Variants in UNC5D observed in about 807,000 individuals in gnomAD.
UNC5D encodes the protein netrin receptor UNC5D.
A neutral mutation model predicts 105.4 loss-of-function variants in UNC5D; 39 were observed. That is an observed-to-expected ratio of 0.37 (90% CI 0.29 to 0.48). The LOEUF (loss-of-function observed/expected upper bound fraction) is 0.48. UNC5D is among the 20% of genes least tolerant of loss of function. The pLI is 0.98. For synonymous variants in UNC5D, 452 were observed against 450.4 expected (o/e 1.00, Z -0.04); for missense variants, 991 against 1,202.4 (o/e 0.82, Z 2.60).
intron 10 of UNC5D, 73 bp downstream of exon 10, chr8:35,726,602 A>G: frequency 1.3e-6 from 2 of 1,556,990 alleles, no homozygotes; most frequent in Non-Finnish European, 1.7e-6. Flanking sequence ...ACTTCCCATC[A>G]GATTCATTTT....
chr8:35,417,667 C>T (rs996961264), intron 1 of UNC5D, among the ~76,000 whole-genome samples: 2 of 152,046 alleles, frequency 1.3e-5, no homozygotes, highest in Non-Finnish European at 1.5e-5. Context: ...AATAAATTTT[C>T]TCTTTTAAAC....
intron 16 of UNC5D, among the ~76,000 whole-genome samples, chr8:35,783,719 A>C (rs937198339): frequency 1.1e-4 from 16 of 152,168 alleles, no homozygotes; most frequent in Non-Finnish European, 2.9e-5. Flanking sequence ...GGATTTGGGA[A>C]GATCTGAAAG....
At chr8:35,744,866 A>G (rs1829926915) in intron 11 of UNC5D, among the ~76,000 whole-genome samples, 2 of 152,264 alleles carry the variant, frequency 1.3e-5, no homozygotes, top group Admixed American at 1.3e-4. Flanking sequence ...CAGCCTGACC[A>G]ACATGGTGAA....
intron 1 of UNC5D, among the ~76,000 whole-genome samples, chr8:35,312,216 G>A (rs548420815): frequency 3.3e-5 from 5 of 152,126 alleles, no homozygotes; most frequent in Non-Finnish European, 5.9e-5. Flanking sequence ...GGCAAGATCC[G>A]ACATAGCTTA....
At position 35,530,983 on chromosome 8, in the gene UNC5D, C is replaced by G. The variant is rs1350460843; in HGVS notation, c.104-18309C>G. Among the ~76,000 whole-genome samples the G allele has an allele frequency of 3.3e-5, 5 of 149,518 alleles. No homozygotes were observed. The East Asian group carries it at 9.9e-4, about 30-fold the overall frequency. ...TAGTGGTCTATCAATTTTGTTGATC[C>G]TTTCAAAAAACCAGCTCCTGGATTC... is the stretch of plus-strand genomic sequence containing the variant. On this transcript the variant is annotated intron_variant, in intron 1 of 16. Coordinates refer to ENST00000404895, the MANE Select transcript of UNC5D (RefSeq NM_080872.4).
At chr8:35,422,561 T>C (rs887871559) in intron 1 of UNC5D, among the ~76,000 whole-genome samples, 1 of 152,244 alleles carries the variant, frequency 6.6e-6, no homozygotes, top group Non-Finnish European at 1.5e-5. Context: ...CAATTGATGC[T>C]AAAATTCCAT....
At chr8:35,474,364 A>G (rs1195045908) in intron 1 of UNC5D, among the ~76,000 whole-genome samples, 1 of 152,210 alleles carries the variant, frequency 6.6e-6, no homozygotes, top group Non-Finnish European at 1.5e-5. Flanking sequence ...CAACTTATGT[A>G]GTTACCTCAG....
chr8:35,577,210 T>G (rs1279946588), intron 3 of UNC5D, among the ~76,000 whole-genome samples: 1 of 152,230 alleles, frequency 6.6e-6, no homozygotes, highest in East Asian at 1.9e-4. Flanking sequence ...TTATCAATAA[T>G]TTGACAAAAT....
At chr8:35,350,567 C>T (rs1236882261) in intron 1 of UNC5D, among the ~76,000 whole-genome samples, 2 of 151,942 alleles carry the variant, frequency 1.3e-5, no homozygotes, top group Non-Finnish European at 2.9e-5. Flanking sequence ...TTCCCTCAAC[C>T]CTCCCCACTT....
At chr8:35,263,826 A>G (rs1804651257) in intron 1 of UNC5D, among the ~76,000 whole-genome samples, 1 of 152,254 alleles carries the variant, frequency 6.6e-6, no homozygotes, top group Non-Finnish European at 1.5e-5. Flanking sequence ...CCTTGTGGCA[A>G]TAAAGCAAAC....
intron 1 of UNC5D, among the ~76,000 whole-genome samples, chr8:35,464,789 A>C (rs1327146561): frequency 6.6e-6 from 1 of 152,214 alleles, no homozygotes; most frequent in African/African-American, 2.4e-5. Context: ...CTCCCAAGTC[A>C]TGGGCTACTG....
intron 1 of UNC5D, among the ~76,000 whole-genome samples, chr8:35,412,138 A>T (rs1387683477): frequency 6.6e-6 from 1 of 152,058 alleles, no homozygotes; most frequent in Non-Finnish European, 1.5e-5. Context: ...GCTTTACATC[A>T]TCTTCAGTAG....
chr8:35,521,458 C>T (rs1358936884), intron 1 of UNC5D, among the ~76,000 whole-genome samples: 1 of 152,006 alleles, frequency 6.6e-6, no homozygotes, highest in African/African-American at 2.4e-5. Context: ...TGAAAAGGAC[C>T]ATGTTTTAAG....
intron 4 of UNC5D, among the ~76,000 whole-genome samples, chr8:35,649,565 C>G (rs1242523437): frequency 6.6e-6 from 1 of 152,152 alleles, no homozygotes; most frequent in African/African-American, 2.4e-5. Flanking sequence ...TTTCAATCAA[C>G]ACTATGAAGA....
intron 4 of UNC5D, among the ~76,000 whole-genome samples, chr8:35,665,466 C>T (rs528832888): frequency 5.3e-5 from 8 of 152,252 alleles, no homozygotes; most frequent in South Asian, 2.1e-4. Context: ...ATTGATGTTA[C>T]ACCCAAATAA....
chr8:35,750,037 T>C (rs1830195769), intron 12 of UNC5D, among the ~76,000 whole-genome samples: 1 of 149,656 alleles, frequency 6.7e-6, no homozygotes, highest in Non-Finnish European at 1.5e-5. Flanking sequence ...TTTCTAAAAC[T>C]CAACATTGAA....
At chr8:35,473,719 A>G (rs535183483) in intron 1 of UNC5D, among the ~76,000 whole-genome samples, 2 of 151,224 alleles carry the variant, frequency 1.3e-5, no homozygotes, top group African/African-American at 4.8e-5. Context: ...AAAATCTAAC[A>G]TATGTGGACA....
chr8:35,765,225 G>A (rs535751402), intron 14 of UNC5D, among the ~76,000 whole-genome samples: 1 of 152,308 alleles, frequency 6.6e-6, no homozygotes, highest in East Asian at 1.9e-4. Context: ...TGGTCAGAAT[G>A]GGAATGTGAA....
intron 1 of UNC5D, among the ~76,000 whole-genome samples, chr8:35,320,657 A>G (rs1012439370): frequency 5.9e-5 from 9 of 152,160 alleles, no homozygotes; most frequent in African/African-American, 9.7e-5. Flanking sequence ...TTATTGCTAC[A>G]AAGACTCTGT....
Sources: gnomAD v4.1 joint callset for allele counts (sites outside exome capture counted in the v4.1 genomes callset) on GRCh38, gnomAD v4.1.1 for gene constraint, MANE v1.5 for transcripts, NCBI Gene and HGNC (gene_info 2026-07-23, HGNC 2026-07-21) for gene names.